The following CRY2 variants were observed in gnomAD, a reference collection of about 807,000 sequenced individuals.
CRY2 encodes the protein cryptochrome-2.
Under a neutral mutation model 69.5 loss-of-function variants are expected in CRY2, and 31 were observed. The ratio of observed to expected loss-of-function variants is 0.45; its 90% CI spans 0.34 to 0.60. CRY2 has a LOEUF of 0.60. Ranked by LOEUF, CRY2 falls within the 20% of genes least tolerant of loss-of-function variation. The probability of loss-of-function intolerance (pLI) is 0.02; values close to 1 mark genes in which losing one functional copy is unlikely to be tolerated. For missense variants in CRY2, 606 were observed against 797.8 expected, an observed-to-expected ratio of 0.76 and a Z score of 2.90; for synonymous variants, 303 against 312.2, an observed-to-expected ratio of 0.97 and a Z score of 0.31.
intron 5 of CRY2, among the ~76,000 whole-genome samples, chr11:45,867,062 C>A (rs1165868794): frequency 6.6e-6 from 1 of 152,154 alleles, no homozygotes; most frequent in African/African-American, 2.4e-5. Context: ...AAAACATGAC[C>A]AGTAATGTTA....
intron 10 of CRY2, 69 bp downstream of exon 10, chr11:45,871,003 G>A (rs1210505734): frequency 7.4e-7 from 1 of 1,355,384 alleles, no homozygotes; most frequent in Non-Finnish European, 1.0e-6. Flanking sequence ...ATTCAGGACT[G>A]AGGCCAGAAG....
intron 6 of CRY2, among the ~76,000 whole-genome samples, chr11:45,868,618 C>T (rs1368740408): frequency 1.3e-5 from 2 of 152,160 alleles, no homozygotes; most frequent in African/African-American, 2.4e-5. Context: ...CATGCCTAGC[C>T]GTTGTGTCTA....
intron 2 of CRY2, among the ~76,000 whole-genome samples, chr11:45,856,727 C>T (rs968447437): frequency 1.3e-5 from 2 of 149,636 alleles, no homozygotes; most frequent in East Asian, 2.0e-4. Context: ...ACCCGGGAGG[C>T]GGAGCTTTCA....
At chr11:45,865,933 C>A (rs139349362) in intron 5 of CRY2, among the ~76,000 whole-genome samples, 1 of 152,264 alleles carries the variant, frequency 6.6e-6, no homozygotes, top group Non-Finnish European at 1.5e-5. Context: ...GGAGTGGACG[C>A]AGGGAGGCCA....
chr11:45,878,546 T>C (rs1565065321), intron 11 of CRY2, among the ~76,000 whole-genome samples: 2 of 152,166 alleles, frequency 1.3e-5, no homozygotes, highest in African/African-American at 4.8e-5. Context: ...TAATAATACA[T>C]ACATTTGTAG....
At chr11:45,869,400 C>T in intron 6 of CRY2, 106 bp from the exon 7 acceptor site, 2 of 1,208,436 alleles carry the variant, frequency 1.7e-6, no homozygotes, top group Non-Finnish European at 2.3e-6. Context: ...GCAGCTGAGC[C>T]ACTAGGTCTT....
chr11:45,850,365 A>G (rs2086188835), intron 1 of CRY2, among the ~76,000 whole-genome samples: 1 of 152,228 alleles, frequency 6.6e-6, no homozygotes, highest in African/African-American at 2.4e-5. Flanking sequence ...GCACTGGACT[A>G]GAGAACCTCA....
intron 1 of CRY2, among the ~76,000 whole-genome samples, chr11:45,849,310 G>A (rs998565100): frequency 6.6e-6 from 1 of 152,208 alleles, no homozygotes; most frequent in African/African-American, 2.4e-5. Flanking sequence ...AGATGCCTGA[G>A]TCAAATCCTG....
At chr11:45,855,759 C>T (rs888484902) in intron 1 of CRY2, among the ~76,000 whole-genome samples, 2 of 152,198 alleles carry the variant, frequency 1.3e-5, no homozygotes, top group African/African-American at 2.4e-5. Flanking sequence ...AGGTTATTGC[C>T]TAAAGTCACA....
rs1407962315 is a variant in CRY2, at chr11:45,881,481, T to C, written c.*570T>C. 6.6e-6 allele frequency: 1 copy of C among 152,428 alleles called. No homozygotes were observed. Among genetic ancestry groups the C allele is most frequent in the African/African-American group, 2.4e-5 (1 of 41,438 alleles). The allele number at this position is 152,428 out of a possible 1,614,324, so 9.4% of individuals were successfully genotyped here. A position where few individuals can be genotyped will look rare whatever the true frequency, so the allele number is the denominator to read the frequency against. The stretch of plus-strand genomic sequence containing the variant: ...CTGGCCTCTGTTTCTTATTTTAAAA[T>C]TCTCTGCTACTGGGCTCAGTCCCAG... On this transcript the variant is annotated 3_prime_UTR_variant, in exon 12 of 12. Transcript: ENST00000616080.
intron 10 of CRY2, among the ~76,000 whole-genome samples, chr11:45,871,355 G>A (rs962755770): frequency 6.6e-6 from 1 of 152,218 alleles, no homozygotes; most frequent in Non-Finnish European, 1.5e-5. Flanking sequence ...GCATGTCCCA[G>A]TGAGGAGCTG....
At chr11:45,866,430 C>T (rs1313219893) in intron 5 of CRY2, among the ~76,000 whole-genome samples, 1 of 152,182 alleles carries the variant, frequency 6.6e-6, no homozygotes, top group African/African-American at 2.4e-5. Flanking sequence ...CGCCAGGCAG[C>T]TGGGAGATAC....
chr11:45,862,236 C>T, intron 5 of CRY2, 88 bp downstream of exon 5: 1 of 1,245,498 alleles, frequency 8.0e-7, no homozygotes, highest in East Asian at 2.6e-5. Context: ...TTTAGTCCCT[C>T]TTAGCTCACA....
intron 5 of CRY2, among the ~76,000 whole-genome samples, chr11:45,863,372 C>T (rs1484875444): frequency 6.6e-6 from 1 of 151,978 alleles, no homozygotes; most frequent in East Asian, 1.9e-4. Context: ...AAGGATGTCC[C>T]TTAGGTCACC....
intron 11 of CRY2, among the ~76,000 whole-genome samples, chr11:45,880,658 G>A (rs191894040): frequency 6.7e-4 from 102 of 152,298 alleles, no homozygotes; most frequent in African/African-American, 2.3e-3. Context: ...CTCCTCTGCT[G>A]TCCGCAGCCC....
chr11:45,856,030 G>A lies in CRY2; in HGVS notation c.264G>A (p.Leu88=), dbSNP rs1205326203. Residue 88 remains leucine (L), a synonymous_variant, in exon 2 of 12, where the codon CTG becomes CTA. Transcript: ENST00000616080. ...LEDLDTSLRK[L]NSRLFVVRGQ... Reference sequence around the variant, plus strand: ...ATTTGGACACAAGTTTAAGGAAACTGAACTCCCGCCTGTTTGTAGTCCGGG... The same window carrying A: ...ATTTGGACACAAGTTTAAGGAAACTAAACTCCCGCCTGTTTGTAGTCCGGG... 1.9e-6 allele frequency: 3 copies of A among 1,614,188 alleles called. No individual in the cohort carries two copies. In the South Asian group the frequency reaches 3.3e-5, roughly 18 times the overall value.
intron 7 of CRY2, 89 bp from the exon 8 acceptor site, chr11:45,869,964 G>C (rs1446726962): frequency 6.6e-7 from 1 of 1,519,388 alleles, no homozygotes; most frequent in Non-Finnish European, 8.8e-7. Flanking sequence ...TCAATGGAAG[G>C]GTTTTGGCTC....
chr11:45,870,292 G>A lies in CRY2; in HGVS notation c.1347-38G>A, dbSNP rs181375232. The A allele has an allele frequency of 1.5e-3, 2,496 of 1,613,870 alleles. 20 individuals are homozygous for A. The highest frequency in any genetic ancestry group is 7.8e-3 in the Middle Eastern group (47 of 6,062). On this transcript the variant is annotated intron_variant, in intron 8 of 11. Transcript: ENST00000616080. Reference sequence around the variant, plus strand: ...CCCTGGGCCTTTTGAAGGAGGGTCTGGGTATGCTGATGGGTCATCTGGTGT... The same window carrying A: ...CCCTGGGCCTTTTGAAGGAGGGTCTAGGTATGCTGATGGGTCATCTGGTGT...
chr11:45,871,541 C>T (rs994936172), intron 10 of CRY2, among the ~76,000 whole-genome samples: 3 of 152,088 alleles, frequency 2.0e-5, no homozygotes, highest in Non-Finnish European at 2.9e-5. Flanking sequence ...CAGTGTAGGC[C>T]GGAGCGGGCA....
Sources: gnomAD v4.1 joint callset for allele counts (sites outside exome capture counted in the v4.1 genomes callset) on GRCh38, gnomAD v4.1.1 for gene constraint, MANE v1.5 for transcripts, NCBI Gene and HGNC (gene_info 2026-07-23, HGNC 2026-07-21) for gene names.